Variants in SLC71A2 observed in about 807,000 individuals in gnomAD.
SLC71A2 encodes the protein solute carrier family 71 member 2.
At chr9:94,460,554 C>G in the SLC71A2 span, 1 of 152,510 alleles carries the variant, frequency 6.6e-6, no homozygotes, top group Admixed American at 6.5e-5. Context: ...ACAAAGAAAA[C>G]TTTACAGATT....
At chr9:94,396,169 A>T in the SLC71A2 span, among the ~76,000 whole-genome samples, 1 of 150,260 alleles carries the variant, frequency 6.7e-6, no homozygotes, top group African/African-American at 2.5e-5. Context: ...TATATTTGTG[A>T]TATACCCATA....
chr9:94,455,035 CACAA>C, the SLC71A2 span, among the ~76,000 whole-genome samples: 9 of 151,726 alleles, frequency 5.9e-5, no homozygotes, highest in South Asian at 2.1e-4. Flanking sequence ...TTACTTTGGA[CACAA>C]ACAGACAACA....
At chr9:94,459,595 C>T in the SLC71A2 span, 9 of 457,640 alleles carry the variant, frequency 2.0e-5, no homozygotes, top group Admixed American at 3.7e-5. Context: ...CTCTTACATT[C>T]TTTTTTTTTT....
the SLC71A2 span, among the ~76,000 whole-genome samples, chr9:94,426,079 T>A: frequency 6.7e-6 from 1 of 148,172 alleles, no homozygotes; most frequent in Admixed American, 7.1e-5. Flanking sequence ...TTATAGGCCC[T>A]CTTGCTCTGT....
chr9:94,409,129 CTTT>C, the SLC71A2 span, among the ~76,000 whole-genome samples: 63 of 68,234 alleles, frequency 9.2e-4, no homozygotes, highest in African/African-American at 4.3e-3. Context: ...GCCCGGCCTC[CTTT>C]TTTTTTTTTT....
chr9:94,411,634 A>G, the SLC71A2 span, among the ~76,000 whole-genome samples: 7 of 149,866 alleles, frequency 4.7e-5, no homozygotes, highest in African/African-American at 1.7e-4. Flanking sequence ...CTTGTTGCCC[A>G]GGCTGGAGTG....
chr9:94,404,331 T>C, the SLC71A2 span, among the ~76,000 whole-genome samples: 8 of 152,244 alleles, frequency 5.3e-5, no homozygotes, highest in South Asian at 1.7e-3. Flanking sequence ...ATTTTTGGTC[T>C]GTCTCTTAGG....
chr9:94,393,973 T>A, the SLC71A2 span, among the ~76,000 whole-genome samples: 2 of 118,486 alleles, frequency 1.7e-5, no homozygotes, highest in African/African-American at 3.4e-5. Context: ...GTTGAGTGAA[T>A]GAATCGTTTG....
the SLC71A2 span, among the ~76,000 whole-genome samples, chr9:94,393,769 T>C: frequency 1.4e-5 from 2 of 142,930 alleles, no homozygotes; most frequent in Admixed American, 1.4e-4. Context: ...CTATTGTTGC[T>C]GCTGTTATAG....
At chr9:94,398,048 C>T in the SLC71A2 span, among the ~76,000 whole-genome samples, 1 of 151,392 alleles carries the variant, frequency 6.6e-6, no homozygotes, top group Non-Finnish European at 1.5e-5. Flanking sequence ...ATTTGAAATT[C>T]CTCTGCATGG....
the SLC71A2 span, among the ~76,000 whole-genome samples, chr9:94,396,447 G>A: frequency 0.29 from 43,566 of 152,030 alleles, 7,625 homozygotes; most frequent in East Asian, 0.54. Context: ...CCCAGGAGGC[G>A]GAGGTTGCAG....
At chr9:94,429,155 T>G in the SLC71A2 span, 5 of 1,607,092 alleles carry the variant, frequency 3.1e-6, no homozygotes, top group Non-Finnish European at 4.2e-6. Context: ...AACTTAAATT[T>G]GAATTTGTCT....
the SLC71A2 span, among the ~76,000 whole-genome samples, chr9:94,392,273 A>G: frequency 1.3e-5 from 2 of 150,752 alleles, no homozygotes; most frequent in Admixed American, 1.3e-4. Context: ...CATCCTTATT[A>G]TTGATACTTG....
chr9:94,424,527 G>T, the SLC71A2 span, among the ~76,000 whole-genome samples: 1 of 151,904 alleles, frequency 6.6e-6, no homozygotes, highest in Non-Finnish European at 1.5e-5. Context: ...GAGCCACTGC[G>T]CCCAGCCATA....
At chr9:94,427,976 G>C in the SLC71A2 span, among the ~76,000 whole-genome samples, 11 of 152,048 alleles carry the variant, frequency 7.2e-5, no homozygotes, top group African/African-American at 2.7e-4. Context: ...ACAAAAATTA[G>C]CTGGGCATGG....
chr9:94,456,886 T>C, the SLC71A2 span, among the ~76,000 whole-genome samples: 1 of 152,152 alleles, frequency 6.6e-6, no homozygotes, highest in African/African-American at 2.4e-5. Context: ...TATCCCATCC[T>C]TCCCATGCCT....
the SLC71A2 span, among the ~76,000 whole-genome samples, chr9:94,442,366 C>T: frequency 6.6e-6 from 1 of 152,164 alleles, no homozygotes; most frequent in East Asian, 1.9e-4. Context: ...ACTCTTTCAA[C>T]CCCACTTCCC....
the SLC71A2 span, chr9:94,438,625 G>A: frequency 6.6e-7 from 1 of 1,508,372 alleles, no homozygotes; most frequent in Non-Finnish European, 8.9e-7. Flanking sequence ...TTACAAAGCA[G>A]TTGTGCTTGT....
chr9:94,375,264 A>G, the SLC71A2 span, among the ~76,000 whole-genome samples: 3 of 148,198 alleles, frequency 2.0e-5, no homozygotes, highest in Admixed American at 6.6e-5. Context: ...CATGGAAAAC[A>G]GGTAGGGAGC....
Sources: gnomAD v4.1 joint callset for allele counts (sites outside exome capture counted in the v4.1 genomes callset) on GRCh38, gnomAD v4.1.1 for gene constraint, MANE v1.5 for transcripts, NCBI Gene and HGNC (gene_info 2026-07-23, HGNC 2026-07-21) for gene names.